The following RACK1 variants were observed in gnomAD, a reference collection of about 807,000 sequenced individuals.
The protein encoded by RACK1 is receptor for activated C kinase 1.
A neutral mutation model predicts 42.2 loss-of-function variants in RACK1; 3 were observed. The ratio of observed to expected loss-of-function variants is 0.07; its 90% CI spans 0.03 to 0.18. The LOEUF (loss-of-function observed/expected upper bound fraction) is 0.18, where lower values mean the gene tolerates loss of function less well. Among genes scored for constraint, RACK1 ranks in the 10% least tolerant of loss-of-function variants. The probability of loss-of-function intolerance (pLI) is 1.00; values close to 1 mark genes in which losing one functional copy is unlikely to be tolerated. For missense variants in RACK1, 146 were observed against 403.2 expected, an observed-to-expected ratio of 0.36 and a Z score of 5.46; for synonymous variants, 181 against 154.8, an observed-to-expected ratio of 1.17 and a Z score of -1.25.
In RACK1 at chr5:181,243,843, A is replaced by G; in HGVS notation, c.-43T>C. 1 of 1,563,620 alleles carries G rather than the reference A, an allele frequency of 6.4e-7. No individual in the cohort carries two copies. Among genetic ancestry groups the G allele is most frequent in the Non-Finnish European group, 8.7e-7 (1 of 1,153,990 alleles). On this transcript the variant is annotated 5_prime_UTR_variant, in exon 1 of 8. Coordinates refer to ENST00000512805, the MANE Select transcript of RACK1 (RefSeq NM_006098.5). ...GTGTCGCTGCAGCGACGAGGATGGC[A>G]CTGGATGGCTTAGAGAAACTAGCAC...
chr5:181,243,258 G>A, intron 1 of RACK1: 3 of 1,350,118 alleles, frequency 2.2e-6, no homozygotes, highest in Non-Finnish European at 9.8e-7. Flanking sequence ...CGACACTTGA[G>A]CCACGAGGTC....
At chr5:181,240,108 C>T (rs948653412) in intron 3 of RACK1, 1 of 154,484 alleles carries the variant, frequency 6.5e-6, no homozygotes, top group African/African-American at 2.4e-5. Flanking sequence ...GTAATCCCAG[C>T]ACTTTAGGAA....
chr5:181,239,256 C>T (rs1759254025), intron 4 of RACK1, 79 bp from the exon 5 acceptor site: 10 of 949,626 alleles, frequency 1.1e-5, no homozygotes, highest in South Asian at 7.8e-5. Context: ...AAGGGCTTGG[C>T]ACTTCTGGAT....
At chr5:181,239,782 A>C (rs1378964629) in intron 3 of RACK1, among the ~76,000 whole-genome samples, 200 bp from the exon 4 acceptor site, 1 of 152,240 alleles carries the variant, frequency 6.6e-6, no homozygotes, top group Non-Finnish European at 1.5e-5. Context: ...CTGGACGCAG[A>C]AGCTCACGCC....
At chr5:181,237,129 TC>T in intron 7 of RACK1, 87 bp from the exon 8 acceptor site, 1 of 1,583,838 alleles carries the variant, frequency 6.3e-7, no homozygotes, top group Non-Finnish European at 8.6e-7. Context: ...TTTTTTGAGA[TC>T]CGTCCACCTT....
intron 1 of RACK1, chr5:181,243,056 G>C (rs1044464576): frequency 2.8e-6 from 1 of 360,734 alleles, no homozygotes; most frequent in South Asian, 2.1e-5. Context: ...AGCCACTTCA[G>C]GCGCTACAGG....
rs1759199122 is a variant in RACK1 at position 181,237,894 on chromosome 5, CTAG to C, written c.778-178_778-176del. 6 of 660,278 alleles carry C rather than the reference CTAG, an allele frequency of 9.1e-6. No homozygotes were observed. In the Admixed American group the frequency reaches 1.0e-4, roughly 11 times the overall value. The allele number at this position is 660,278 out of a possible 1,614,324, so 40.9% of individuals were successfully genotyped here. A position where few individuals can be genotyped will look rare whatever the true frequency, so the allele number is the denominator to read the frequency against. On this transcript the variant is annotated intron_variant, in intron 6 of 7. Transcript: ENST00000512805. ...TGGAAGGATGGTTTGCTACTGACATCTAGTAGAAGCTGGAAATGCTGCTAAACA... is the reference window on the plus strand; with the variant it reads ...TGGAAGGATGGTTTGCTACTGACATCTAGAAGCTGGAAATGCTGCTAAACA...
intron 1 of RACK1, chr5:181,242,990 G>A (rs1759408920): frequency 2.9e-6 from 1 of 340,066 alleles, no homozygotes; most frequent in African/African-American, 2.2e-5. Context: ...GAGTAGCTGG[G>A]GCCTCCTATG....
intron 2 of RACK1, 38 bp downstream of exon 2, chr5:181,242,136 C>A (rs17657699): frequency 1.3e-6 from 2 of 1,577,406 alleles, no homozygotes; most frequent in Non-Finnish European, 1.7e-6. Flanking sequence ...TGCCCAGATT[C>A]TTCCCAAGGC....
At chr5:181,241,793 G>C (rs371389536) in intron 2 of RACK1, 154 bp from the exon 3 acceptor site, 1 of 856,762 alleles carries the variant, frequency 1.2e-6, no homozygotes. Flanking sequence ...GTATATGAAA[G>C]AGAAGAGCCA....
chr5:181,237,744 T>G (rs748974106), intron 6 of RACK1, 25 bp from the exon 7 acceptor site: 2 of 1,212,646 alleles, frequency 1.6e-6, no homozygotes, highest in East Asian at 4.7e-5. Context: ...AAAAGCAACC[T>G]TAAGACTTAC....
In RACK1 at chr5:181,243,892, T is replaced by C; in HGVS notation, c.-92A>G. The C allele has an allele frequency of 2.0e-6, 3 of 1,475,080 alleles. No homozygotes were observed. The highest frequency in any genetic ancestry group is 2.7e-6 in the Non-Finnish European group (3 of 1,110,642). 91.4% of individuals were successfully genotyped at this position (1,475,080 alleles called of 1,614,324 possible). A position where few individuals can be genotyped will look rare whatever the true frequency, so the allele number is the denominator to read the frequency against. ...ACCACAACCTCTCCTGCCGCCGCCT[T>C]GCAGTGAAAGAGAGAGAGAAAAGCC... On this transcript the variant is annotated 5_prime_UTR_variant, in exon 1 of 8. Coordinates refer to ENST00000512805, the MANE Select transcript of RACK1 (RefSeq NM_006098.5).
rs992493926 is a variant in RACK1, at chr5:181,243,514, G to A, written c.109+178C>T. 3.5e-6 allele frequency: 5 copies of A among 1,412,668 alleles called. No individual in the cohort carries two copies. The Middle Eastern group carries it at 7.3e-4, about 205-fold the overall frequency. The allele number at this position is 1,412,668 out of a possible 1,614,324, so 87.5% of individuals were successfully genotyped here. On this transcript the variant is annotated intron_variant, in intron 1 of 7. Coordinates refer to ENST00000512805, the MANE Select transcript of RACK1 (RefSeq NM_006098.5). Reference sequence around the variant, plus strand: ...TTCTCATCTGCAATGTGGTTCGCCCGGGTTGAGGCCTAGGCTCGGGTCCGC... The same window carrying A: ...TTCTCATCTGCAATGTGGTTCGCCCAGGTTGAGGCCTAGGCTCGGGTCCGC...
chr5:181,237,102 ATT>A, intron 7 of RACK1, 60 bp from the exon 8 acceptor site: 1 of 1,607,100 alleles, frequency 6.2e-7, no homozygotes, highest in South Asian at 1.1e-5. Flanking sequence ...GTCTCACTAG[ATT>A]CAGCCCAAGT....
At chr5:181,242,466 G>C (rs984311050) in intron 1 of RACK1, 121 bp from the exon 2 acceptor site, 10 of 699,322 alleles carry the variant, frequency 1.4e-5, no homozygotes, top group African/African-American at 5.3e-5. Context: ...CGCTTAAGGA[G>C]GGATGGAAAC....
chr5:181,237,103 T>A (rs1420522851), intron 7 of RACK1, 61 bp from the exon 8 acceptor site: 49 of 1,607,118 alleles, frequency 3.0e-5, no homozygotes, highest in Non-Finnish European at 4.2e-5. Context: ...TCTCACTAGA[T>A]TCAGCCCAAG....
chr5:181,240,055 A>T (rs567519435), intron 3 of RACK1, among the ~76,000 whole-genome samples: 54 of 152,146 alleles, frequency 3.5e-4, no homozygotes, highest in Non-Finnish European at 6.6e-4. Context: ...CTCCAAAAAA[A>T]ATATAATAAT....
At chr5:181,238,279 T>TA (rs1164890898) in intron 5 of RACK1, 40 bp from the exon 6 acceptor site, 10 of 1,602,414 alleles carry the variant, frequency 6.2e-6, no homozygotes, top group Non-Finnish European at 8.5e-6. Context: ...TGTGACCTCT[T>TA]CCAGATGTTA....
chr5:181,238,521 T>C (rs1759220207), intron 5 of RACK1: 2 of 389,160 alleles, frequency 5.1e-6, no homozygotes, highest in East Asian at 5.8e-5. Flanking sequence ...AAACCAACTT[T>C]AGGCTGGGTG....
Sources: gnomAD v4.1 joint callset for allele counts (sites outside exome capture counted in the v4.1 genomes callset) on GRCh38, gnomAD v4.1.1 for gene constraint, MANE v1.5 for transcripts, NCBI Gene and HGNC (gene_info 2026-07-23, HGNC 2026-07-21) for gene names.